The following CNTN3 variants were observed in gnomAD, a reference collection of about 807,000 sequenced individuals.
CNTN3 encodes contactin-3.
In CNTN3, 60 loss-of-function variants were observed where a neutral mutation model predicts 119.1. The observed-to-expected ratio is 0.50, with a 90% CI of 0.41 to 0.62. The LOEUF is 0.62. CNTN3 is among the 20% of genes least tolerant of loss of function. The pLI is 0.00. For synonymous variants in CNTN3, 450 were observed against 438.7 expected, an observed-to-expected ratio of 1.03 and a Z score of -0.32; for missense variants, 1,101 against 1,242.4, an observed-to-expected ratio of 0.89 and a Z score of 1.71.
intron 16 of CNTN3, among the ~76,000 whole-genome samples, chr3:74,300,210 A>G (rs1702426667): frequency 6.6e-6 from 1 of 152,210 alleles, no homozygotes; most frequent in Non-Finnish European, 1.5e-5. Flanking sequence ...ATACTTTGCT[A>G]GTATGAGACT....
At chr3:74,550,496 C>T (rs918192796) in intron 1 of CNTN3, among the ~76,000 whole-genome samples, 7 of 152,140 alleles carry the variant, frequency 4.6e-5, no homozygotes, top group African/African-American at 1.7e-4. Flanking sequence ...ACTGCTTGGT[C>T]AGCTGATAGC....
chr3:74,474,648 C>T (rs1198205034), intron 4 of CNTN3, among the ~76,000 whole-genome samples: 2 of 152,048 alleles, frequency 1.3e-5, no homozygotes, highest in African/African-American at 4.8e-5. Flanking sequence ...CATAAGCCAC[C>T]GTGCCCAACT....
At chr3:74,440,576 G>A (rs986076226) in intron 4 of CNTN3, among the ~76,000 whole-genome samples, 1 of 152,038 alleles carries the variant, frequency 6.6e-6, no homozygotes, top group Non-Finnish European at 1.5e-5. Context: ...TTCCCCATTG[G>A]TGGATTGAAC....
chr3:74,539,868 C>T (rs1173476805), intron 1 of CNTN3, among the ~76,000 whole-genome samples: 2 of 152,126 alleles, frequency 1.3e-5, no homozygotes, highest in African/African-American at 4.8e-5. Context: ...CCCATTTCCA[C>T]ATTGTATTTG....
At chr3:74,589,699 A>T (rs201273709) in intron 1 of CNTN3, among the ~76,000 whole-genome samples, 31 of 147,790 alleles carry the variant, frequency 2.1e-4, no homozygotes, top group African/African-American at 8.1e-4. Context: ...AAAGACTTGG[A>T]ACCAACCCAA....
intron 11 of CNTN3, among the ~76,000 whole-genome samples, chr3:74,339,382 T>C (rs555414509): frequency 6.6e-6 from 1 of 152,254 alleles, no homozygotes; most frequent in African/African-American, 2.4e-5. Flanking sequence ...ACACAAGCCT[T>C]CTTTTAATGA....
At chr3:74,332,515 A>G (rs768122700) in intron 13 of CNTN3, among the ~76,000 whole-genome samples, 9 of 152,222 alleles carry the variant, frequency 5.9e-5, no homozygotes, top group Non-Finnish European at 8.8e-5. Context: ...TATCAGTGCT[A>G]TGTAAATCAA....
At chr3:74,593,413 A>C (rs1024182703) in intron 1 of CNTN3, among the ~76,000 whole-genome samples, 1 of 152,050 alleles carries the variant, frequency 6.6e-6, no homozygotes, top group African/African-American at 2.4e-5. Context: ...GGGTTGATAG[A>C]AGACAACTTC....
chr3:74,443,775 G>T (rs1280974806), intron 4 of CNTN3, among the ~76,000 whole-genome samples: 1 of 152,086 alleles, frequency 6.6e-6, no homozygotes, highest in African/African-American at 2.4e-5. Flanking sequence ...ACAGAGCATA[G>T]CATTTTTAAG....
intron 1 of CNTN3, among the ~76,000 whole-genome samples, chr3:74,550,245 T>C (rs1371170728): frequency 6.6e-6 from 1 of 152,092 alleles, no homozygotes; most frequent in Non-Finnish European, 1.5e-5. Context: ...AGGGCATCCG[T>C]TTTCTGTTAA....
chr3:74,610,743 G>A (rs1705067104), intron 1 of CNTN3, among the ~76,000 whole-genome samples: 2 of 152,112 alleles, frequency 1.3e-5, no homozygotes, highest in South Asian at 4.1e-4. Context: ...GTTATCCCAG[G>A]AGAGAAGATG....
intron 19 of CNTN3, among the ~76,000 whole-genome samples, chr3:74,293,024 C>CTT (rs35947524): frequency 3.3e-5 from 5 of 151,764 alleles, no homozygotes; most frequent in African/African-American, 9.7e-5. Context: ...TCTTCATACT[C>CTT]TCTCTTCCTT....
chr3:74,352,901 A>G (rs1039157801), intron 11 of CNTN3, among the ~76,000 whole-genome samples: 6 of 152,160 alleles, frequency 3.9e-5, no homozygotes, highest in African/African-American at 2.4e-5. Flanking sequence ...CGCCTACCTG[A>G]CAGTTGCGAG....
intron 5 of CNTN3, among the ~76,000 whole-genome samples, chr3:74,387,534 G>C (rs1305614254): frequency 6.6e-6 from 1 of 152,248 alleles, no homozygotes; most frequent in Non-Finnish European, 1.5e-5. Context: ...AGTTTGCCAT[G>C]AAGGCAGGGG....
intron 4 of CNTN3, among the ~76,000 whole-genome samples, chr3:74,448,240 T>C (rs1401197600): frequency 1.3e-5 from 2 of 152,180 alleles, no homozygotes; most frequent in African/African-American, 4.8e-5. Flanking sequence ...GTTGTGTATG[T>C]TGCCAAACAA....
Position 74,556,298 on chromosome 3 carries a change from C to A in CNTN3, c.-80-35106G>T, listed in dbSNP as rs140887379. On this transcript the variant is annotated intron_variant, in intron 1 of 22. Coordinates refer to ENST00000263665, the MANE Select transcript of CNTN3 (RefSeq NM_020872.3). Reference sequence around the variant, plus strand: ...AGGAAACCTTGTACTCTGTAGCAGGCTCCCCTCTTCTCTTCTCCTCCCAGT... The same window carrying A: ...AGGAAACCTTGTACTCTGTAGCAGGATCCCCTCTTCTCTTCTCCTCCCAGT... Among the ~76,000 whole-genome samples the A allele has an allele frequency of 1.9e-3, 282 of 152,230 alleles. 3 individuals carry two copies. The highest frequency in any genetic ancestry group is 6.4e-3 in the African/African-American group (264 of 41,564).
chr3:74,397,741 C>T (rs765831998), intron 5 of CNTN3, among the ~76,000 whole-genome samples: 2 of 152,052 alleles, frequency 1.3e-5, no homozygotes, highest in Non-Finnish European at 2.9e-5. Flanking sequence ...AATTGAAAAC[C>T]TTCTGGGAAG....
intron 11 of CNTN3, among the ~76,000 whole-genome samples, chr3:74,343,527 G>A (rs1488240763): frequency 2.0e-5 from 3 of 152,196 alleles, no homozygotes; most frequent in East Asian, 3.9e-4. Flanking sequence ...TTATGCATAA[G>A]GGGAATTTCA....
intron 4 of CNTN3, among the ~76,000 whole-genome samples, chr3:74,477,416 C>T (rs925924461): frequency 2.0e-5 from 3 of 152,054 alleles, no homozygotes; most frequent in Admixed American, 6.6e-5. Context: ...CAGTACTGAC[C>T]AGCAAGAGGG....
Sources: gnomAD v4.1 joint callset for allele counts (sites outside exome capture counted in the v4.1 genomes callset) on GRCh38, gnomAD v4.1.1 for gene constraint, MANE v1.5 for transcripts, NCBI Gene and HGNC (gene_info 2026-07-23, HGNC 2026-07-21) for gene names.